FBLIM1: variants seen among roughly 807,000 people sequenced by gnomAD.
FBLIM1 encodes the protein filamin binding LIM protein 1.
Under a neutral mutation model 37.4 loss-of-function variants are expected in FBLIM1, and 29 were observed. The ratio of observed to expected loss-of-function variants is 0.77; its 90% CI spans 0.58 to 1.06. The LOEUF (loss-of-function observed/expected upper bound fraction) is 1.06. Among genes scored for constraint, FBLIM1 ranks in the 50% least tolerant of loss-of-function variants. The pLI is 0.00. For missense variants in FBLIM1, 449 were observed against 505.6 expected, an observed-to-expected ratio of 0.89 and a Z score of 1.07; for synonymous variants, 193 against 199.0, an observed-to-expected ratio of 0.97 and a Z score of 0.25.
Position 15,770,411 on chromosome 1 carries a change from A to G in FBLIM1, c.544A>G (p.Ile182Val). The G allele has an allele frequency of 1.9e-6, 3 of 1,612,656 alleles. No individual in the cohort carries two copies. The highest frequency in any genetic ancestry group is 1.7e-5 in the Admixed American group (1 of 59,966). ...EPVEKGASTDICAFCHKTVSP... is the reference protein window; with the variant it reads ...EPVEKGASTDVCAFCHKTVSP... Reference sequence around the variant, plus strand: ...GGCCTGTGTCTCCCCTACCCCAGACATCTGTGCCTTCTGCCACAAGACCGT... The same window carrying G: ...GGCCTGTGTCTCCCCTACCCCAGACGTCTGTGCCTTCTGCCACAAGACCGT... The change falls in exon 6 of 9, where the codon ATC becomes GTC. Residue 182 changes from isoleucine (I) to valine (V), a missense_variant and splice_region_variant. Ile to Val is a conservative substitution (Grantham distance 29, BLOSUM62 3). Transcript: ENST00000375766.
In FBLIM1 at chr1:15,760,346, A is replaced by G. The variant is rs551430879; in HGVS notation, c.-211+1498A>G. 5.9e-5 allele frequency among the ~76,000 whole-genome samples: 9 copies of G among 151,464 alleles called. No homozygotes were observed. The East Asian group carries it at 1.6e-3, about 26-fold the overall frequency. On this transcript the variant is annotated intron_variant, in intron 1 of 8. Transcript: ENST00000375766. ...GGAGTTTGAGACCAGCCTGGTCAAC[A>G]TGGTGAAACCCTGTCTCTACCAAAA...
rs1045937378 is a variant in FBLIM1 at position 15,784,768 on chromosome 1, T to G, written c.*107T>G. The G allele has an allele frequency of 2.0e-6, 2 of 977,960 alleles. No homozygotes were observed. Among genetic ancestry groups the G allele is most frequent in the South Asian group, 1.5e-5 (1 of 67,368 alleles). The allele number at this position is 977,960 out of a possible 1,614,324, so 60.6% of individuals were successfully genotyped here. On this transcript the variant is annotated 3_prime_UTR_variant, in exon 9 of 9. Coordinates refer to ENST00000375766, the MANE Select transcript of FBLIM1 (RefSeq NM_017556.4). ...TGCACACTTTCCTTCTGAGCCTCCA[T>G]GGAGACCAGCCTGCAAGCCGGCCCA...
intron 1 of FBLIM1, among the ~76,000 whole-genome samples, chr1:15,762,173 C>T (rs763889617): frequency 3.3e-5 from 5 of 151,468 alleles, no homozygotes; most frequent in Admixed American, 6.6e-5. Flanking sequence ...ACTGCAACCT[C>T]GCCTCCCAGG....
chr1:15,761,358 C>G (rs116185155), intron 1 of FBLIM1, among the ~76,000 whole-genome samples: 198 of 152,232 alleles, frequency 1.3e-3, no homozygotes, highest in African/African-American at 4.6e-3. Context: ...GGGAAAGTCA[C>G]TTAACCTCTT....
At chr1:15,770,622 G>A (rs1256715596) in intron 6 of FBLIM1, 44 bp downstream of exon 6, 2 of 1,601,626 alleles carry the variant, frequency 1.2e-6, no homozygotes, top group African/African-American at 1.3e-5. Context: ...AGTGAGCTGA[G>A]CACTTAGAAT....
chr1:15,778,284 G>T (rs569038919), intron 8 of FBLIM1, among the ~76,000 whole-genome samples: 1 of 152,148 alleles, frequency 6.6e-6, no homozygotes, highest in East Asian at 1.9e-4. Flanking sequence ...AGCTTTGGGG[G>T]CCTGGTGCAG....
intron 7 of FBLIM1, among the ~76,000 whole-genome samples, chr1:15,775,459 C>G (rs1459060295): frequency 1.3e-5 from 2 of 149,804 alleles, no homozygotes; most frequent in Non-Finnish European, 3.0e-5. Context: ...CACTTGAACC[C>G]AGGAGGTGGA....
chr1:15,770,611 C>T (rs2148565908), intron 6 of FBLIM1, 33 bp downstream of exon 6: 1 of 1,608,110 alleles, frequency 6.2e-7, no homozygotes, highest in Admixed American at 1.7e-5. Flanking sequence ...GGGTGCCAGG[C>T]AGTGAGCTGA....
chr1:15,765,204 C>T lies in FBLIM1; in HGVS notation c.221C>T (p.Pro74Leu), dbSNP rs372323594. Residue 74 changes from proline (P) to leucine (L), a missense_variant, in exon 3 of 9, where the codon CCG becomes CTG. Transcript: ENST00000375766. This position sits in a 1 kb window ranked among gnomAD's most constrained non-coding sequence, Gnocchi z 5.9. ...CCTGGCAGAGCTGCAGCCACAGTGC[C>T]GGCTGCACCTATGCAGCTCTTCAAT... ...TTPGRAAATV[P>L]AAPMQLFNGG... 24 of 1,613,438 alleles carry T rather than the reference C, an allele frequency of 1.5e-5. No individual in the cohort carries two copies. The highest frequency in any genetic ancestry group is 1.2e-4 in the African/African-American group (9 of 74,902).
intron 1 of FBLIM1, among the ~76,000 whole-genome samples, chr1:15,760,826 G>A (rs2068640572): frequency 6.6e-6 from 1 of 152,130 alleles, no homozygotes; most frequent in Admixed American, 6.5e-5. Flanking sequence ...AAGAGTGGGG[G>A]CGGAGGGTCC....
At chr1:15,781,481 C>T (rs1170840329) in intron 8 of FBLIM1, among the ~76,000 whole-genome samples, 1 of 146,366 alleles carries the variant, frequency 6.8e-6, no homozygotes, top group Non-Finnish European at 1.5e-5. Context: ...CCACTGCACT[C>T]TAATCCTCCA....
Position 15,764,971 on chromosome 1 carries a change from A to G in FBLIM1, c.-13A>G, listed in dbSNP as rs1288630318. 3 of 1,609,088 alleles carry G rather than the reference A, an allele frequency of 1.9e-6. No individual in the cohort carries two copies. The Admixed American group carries it at 5.0e-5, about 27-fold the overall frequency. On this transcript the variant is annotated 5_prime_UTR_variant, in exon 3 of 9. Transcript: ENST00000375766. ...ACCCCACTCTGTCCCTAGCCACACC[A>G]GGAGCTGAAGCCATGGCCTCAAAGC...
intron 8 of FBLIM1, 109 bp from the exon 9 acceptor site, chr1:15,784,439 G>A (rs2069725286): frequency 1.2e-6 from 1 of 809,800 alleles, no homozygotes; most frequent in South Asian, 1.6e-5. Flanking sequence ...ACTTAGGAAG[G>A]GCATCCACTC....
intron 7 of FBLIM1, among the ~76,000 whole-genome samples, chr1:15,775,534 CAAA>C (rs1161761535): frequency 3.0e-4 from 25 of 84,296 alleles, no homozygotes; most frequent in African/African-American, 7.4e-4. Context: ...GACTCTGTCT[CAAA>C]AAAAAAAAAA....
intron 6 of FBLIM1, among the ~76,000 whole-genome samples, chr1:15,771,453 G>T (rs2069207505): frequency 6.6e-6 from 1 of 151,696 alleles, no homozygotes; most frequent in Non-Finnish European, 1.5e-5. Context: ...CACCACTTTG[G>T]CCAGGCTGGT....
chr1:15,757,522 C>A (rs746034401), upstream of FBLIM1, among the ~76,000 whole-genome samples: 1 of 152,016 alleles, frequency 6.6e-6, no homozygotes, highest in Non-Finnish European at 1.5e-5. The surrounding 1 kb of genome is among the most constrained non-coding windows in gnomAD (Gnocchi z 4.1). Context: ...GGAAAAGGGG[C>A]GACAAGAGGG....
At chr1:15,772,076 C>T (rs1046834352) in intron 6 of FBLIM1, among the ~76,000 whole-genome samples, 8 of 152,142 alleles carry the variant, frequency 5.3e-5, no homozygotes, top group African/African-American at 1.7e-4. Context: ...CACCCACAGC[C>T]GCATCCCCTG....
chr1:15,771,824 G>T (rs1018519884), intron 6 of FBLIM1, among the ~76,000 whole-genome samples: 1 of 151,458 alleles, frequency 6.6e-6, no homozygotes, highest in African/African-American at 2.4e-5. Flanking sequence ...GCTACCACAC[G>T]AGGTCACACG....
In FBLIM1 at chr1:15,774,799, A is replaced by G; in HGVS notation, c.890+3A>G. On this transcript the variant is annotated splice_donor_region_variant and intron_variant, in intron 7 of 8. Transcript: ENST00000375766. ...TACTGCCTGGACGACTTCTACAGGT[A>G]CGAGAAGGGTTTGTGCACTGGGTGG... The G allele has an allele frequency of 6.2e-7, 1 of 1,614,102 alleles. No homozygotes were observed. Among genetic ancestry groups the G allele is most frequent in the East Asian group, 2.2e-5 (1 of 44,886 alleles).
Sources: gnomAD v4.1 joint callset for allele counts (sites outside exome capture counted in the v4.1 genomes callset) on GRCh38, gnomAD v4.1.1 for gene constraint, Gnocchi (gnomAD v3.1) non-coding constraint, MANE v1.5 for transcripts, NCBI Gene and HGNC (gene_info 2026-07-23, HGNC 2026-07-21) for gene names.